The following FGF12 variants were observed in gnomAD, a reference collection of about 807,000 sequenced individuals.
FGF12 encodes fibroblast growth factor 12, also known as fibroblast growth factor 12B.
FGF12 carries 14 observed loss-of-function variants against 23.6 expected under a neutral mutation model. The observed-to-expected ratio is 0.59, with a 90% CI of 0.39 to 0.93. The LOEUF (loss-of-function observed/expected upper bound fraction) is 0.93, where lower values mean the gene tolerates loss of function less well. FGF12 is among the 40% of genes least tolerant of loss of function. The probability of loss-of-function intolerance (pLI) is 0.00; values close to 1 mark genes in which losing one functional copy is unlikely to be tolerated. For missense variants in FGF12, 175 were observed against 217.8 expected (o/e 0.80, Z 1.24); for synonymous variants, 62 against 77.3 (o/e 0.80, Z 1.04).
chr3:192,725,404 T>C (rs1719179044), intron 2 of FGF12, among the ~76,000 whole-genome samples: 1 of 152,166 alleles, frequency 6.6e-6, no homozygotes, highest in African/African-American at 2.4e-5. Flanking sequence ...CATTGCTGTC[T>C]GGATTGACAT....
intron 2 of FGF12, among the ~76,000 whole-genome samples, chr3:192,574,338 C>T (rs1033614856): frequency 3.5e-4 from 53 of 152,198 alleles, no homozygotes; most frequent in African/African-American, 1.3e-3. Flanking sequence ...CTTAGCATGT[C>T]TTTAAGATGC....
intron 2 of FGF12, among the ~76,000 whole-genome samples, chr3:192,626,514 T>C (rs1715174248): frequency 6.6e-6 from 1 of 152,232 alleles, no homozygotes; most frequent in Non-Finnish European, 1.5e-5. Flanking sequence ...GGACTAACTG[T>C]AGGCATTTTG....
chr3:192,389,373 A>G (rs1210285144), intron 2 of FGF12, among the ~76,000 whole-genome samples: 1 of 152,200 alleles, frequency 6.6e-6, no homozygotes, highest in Non-Finnish European at 1.5e-5. Context: ...AACAACGACA[A>G]TACATATTCC....
intron 2 of FGF12, among the ~76,000 whole-genome samples, chr3:192,384,487 T>C (rs1041426277): frequency 1.3e-5 from 2 of 152,310 alleles, no homozygotes; most frequent in Middle Eastern, 3.4e-3. Context: ...AATAACATCT[T>C]CATTCTAACA....
Position 192,167,772 on chromosome 3 carries a change from A to ATTTTTTTTTTTT in FGF12, c.427+2674_427+2685dup, listed in dbSNP as rs368951795. On this transcript the variant is annotated intron_variant, in intron 5 of 5. Transcript: ENST00000445105. ...ATATATATATATATATATATATAAAATTTTTTTTTTTTTTTTTTTTTGAGA... is the reference window on the plus strand; with the variant it reads ...ATATATATATATATATATATATAAAATTTTTTTTTTTTTTTTTTTTTTTTTTTTTTTTTGAGA... Among the ~76,000 whole-genome samples the ATTTTTTTTTTTT allele has an allele frequency of 5.2e-4, 8 of 15,404 alleles. 1 individual carries two copies. The highest frequency in any genetic ancestry group is 1.8e-3 in the African/African-American group (8 of 4,470). The allele number at this position is 15,404 out of a possible 152,430, so 10.1% of individuals were successfully genotyped here. A position where few individuals can be genotyped will look rare whatever the true frequency, so the allele number is the denominator to read the frequency against.
intron 2 of FGF12, among the ~76,000 whole-genome samples, chr3:192,410,792 C>G (rs149758211): frequency 2.0e-4 from 31 of 152,216 alleles, no homozygotes; most frequent in Admixed American, 1.4e-3. Context: ...GGACAGTCAA[C>G]AACAAGCTGT....
At chr3:192,269,619 T>C (rs1011535466) in intron 4 of FGF12, among the ~76,000 whole-genome samples, 2 of 152,164 alleles carry the variant, frequency 1.3e-5, no homozygotes, top group Non-Finnish European at 2.9e-5. Flanking sequence ...AAATGCTATA[T>C]TTATTATGAC....
At chr3:192,201,727 G>C (rs1041645257) in intron 4 of FGF12, among the ~76,000 whole-genome samples, 7 of 152,124 alleles carry the variant, frequency 4.6e-5, no homozygotes, top group African/African-American at 1.7e-4. Flanking sequence ...TATTTAACTA[G>C]ATGTCTCATT....
chr3:192,311,424 T>C (rs1204780746), intron 4 of FGF12, among the ~76,000 whole-genome samples: 1 of 152,168 alleles, frequency 6.6e-6, no homozygotes, highest in Non-Finnish European at 1.5e-5. Context: ...GCTTCTTCCA[T>C]ATCACATAAT....
chr3:192,601,839 T>C (rs551284130), intron 2 of FGF12, among the ~76,000 whole-genome samples: 2 of 152,266 alleles, frequency 1.3e-5, no homozygotes, highest in East Asian at 3.9e-4. Context: ...ACTATGTAAA[T>C]AGTTGTTATA....
Position 192,580,573 on chromosome 3 carries a change from C to T in FGF12, c.13+146608G>A, listed in dbSNP as rs143851331. Among the ~76,000 whole-genome samples, 601 of 152,240 alleles carry T rather than the reference C, an allele frequency of 3.9e-3. 11 individuals carry two copies. Among genetic ancestry groups the T allele is most frequent in the East Asian group, 3.3e-3 (17 of 5,176 alleles). On this transcript the variant is annotated intron_variant, in intron 2 of 5. Coordinates refer to ENST00000445105, the MANE Select transcript of FGF12 (RefSeq NM_004113.6). Reference sequence around the variant, plus strand: ...CACATGTGGGGCTTTTCAAAAAATCCTTCTCAATAAAGAGATTTTTTTGTT... The same window carrying T: ...CACATGTGGGGCTTTTCAAAAAATCTTTCTCAATAAAGAGATTTTTTTGTT...
chr3:192,412,631 G>A (rs1249915632), intron 2 of FGF12, among the ~76,000 whole-genome samples: 1 of 152,178 alleles, frequency 6.6e-6, no homozygotes, highest in Non-Finnish European at 1.5e-5. Context: ...TTTCCCCAGT[G>A]AGAAGAGGTG....
rs139766646 is a variant in FGF12, at chr3:192,184,309, T to C, written c.229-13653A>G. On this transcript the variant is annotated intron_variant, in intron 4 of 5. Coordinates refer to ENST00000445105, the MANE Select transcript of FGF12 (RefSeq NM_004113.6). ...GACCAATGTGCTTCGGTTAATATAA[T>C]AGTTGTTTTCACTTTGCTTACCGAT... 4.5e-3 allele frequency among the ~76,000 whole-genome samples: 684 copies of C among 152,316 alleles called. 4 individuals carry two copies. The highest frequency in any genetic ancestry group is 7.7e-3 in the Non-Finnish European group (524 of 68,022).
chr3:192,632,835 C>T (rs1230575272), intron 2 of FGF12, among the ~76,000 whole-genome samples: 2 of 152,136 alleles, frequency 1.3e-5, no homozygotes, highest in Non-Finnish European at 2.9e-5. Context: ...GTTATAGAAG[C>T]CAGAACTCTG....
chr3:192,164,915 C>T (rs1387201084), intron 5 of FGF12, among the ~76,000 whole-genome samples: 1 of 152,048 alleles, frequency 6.6e-6, no homozygotes, highest in African/African-American at 2.4e-5. Context: ...TTTATACCTG[C>T]CCTATGGAAA....
At position 192,223,352 on chromosome 3, in the gene FGF12, C is replaced by T. The variant is rs555306760; in HGVS notation, c.229-52696G>A. 1.2e-4 allele frequency among the ~76,000 whole-genome samples: 19 copies of T among 152,260 alleles called. No homozygotes were observed. In the East Asian group the frequency reaches 3.7e-3, roughly 29 times the overall value. On this transcript the variant is annotated intron_variant, in intron 4 of 5. Transcript: ENST00000445105. The stretch of plus-strand genomic sequence containing the variant: ...TACTGTCACATTTGAGTTTTTCTTC[C>T]TCACATTATTCTTCAATTTCTTTTT...
chr3:192,468,865 T>C (rs1723083207), intron 2 of FGF12, among the ~76,000 whole-genome samples: 1 of 152,202 alleles, frequency 6.6e-6, no homozygotes, highest in African/African-American at 2.4e-5. Flanking sequence ...TCTATTTCCC[T>C]TTTTCCTTCT....
intron 2 of FGF12, among the ~76,000 whole-genome samples, chr3:192,512,626 T>A (rs1475069754): frequency 6.6e-6 from 1 of 151,530 alleles, no homozygotes; most frequent in African/African-American, 2.4e-5. Context: ...GTCACAATTT[T>A]CGTAAAGGTA....
At chr3:192,520,631 T>C (rs1724792662) in intron 2 of FGF12, among the ~76,000 whole-genome samples, 1 of 152,214 alleles carries the variant, frequency 6.6e-6, no homozygotes, top group Admixed American at 6.5e-5. Context: ...TTAACTAGAT[T>C]TAGTTTACTT....
Sources: gnomAD v4.1 joint callset for allele counts (sites outside exome capture counted in the v4.1 genomes callset) on GRCh38, gnomAD v4.1.1 for gene constraint, MANE v1.5 for transcripts, NCBI Gene and HGNC (gene_info 2026-07-23, HGNC 2026-07-21) for gene names.